The following AIRE variants were observed in gnomAD, a reference collection of about 807,000 sequenced individuals.
AIRE encodes autoimmune regulator, also known as autoimmune polyendocrinopathy candidiasis ectodermal dystrophy protein.
AIRE carries 52 observed loss-of-function variants against 62.1 expected under a neutral mutation model. That is an observed-to-expected ratio of 0.84 (90% confidence interval 0.67 to 1.06). The LOEUF is 1.06. Among genes scored for constraint, AIRE ranks in the 50% least tolerant of loss-of-function variants. AIRE has a pLI of 0.00. For missense variants in AIRE, 774 were observed against 755.8 expected (o/e 1.02, Z -0.28); for synonymous variants, 342 against 321.6 (o/e 1.06, Z -0.68).
Position 44,288,384 on chromosome 21 carries a change from C to T in AIRE, c.578C>T (p.Ala193Val). ...TMSASVQRAV[A>V]MSSGDVPGAR... ...TCAGCTTCAGTCCAGAGAGCTGTGG[C>T]CATGTCCTCCGGGGACGTCCCGGGA... Residue 193 changes from alanine to valine, a missense_variant, in exon 5 of 14, where the codon GCC (alanine) becomes GTC (valine). Coordinates refer to ENST00000291582, the MANE Select transcript of AIRE (RefSeq NM_000383.4). 6.2e-7 allele frequency: 1 copy of T among 1,612,630 alleles called. No individual in the cohort carries two copies.
rs2040496604 is a variant in AIRE at position 44,287,609 on chromosome 21, G to A, written c.538+18G>A. On this transcript the variant is annotated intron_variant, in intron 4 of 13. Coordinates refer to ENST00000291582, the MANE Select transcript of AIRE (RefSeq NM_000383.4). The surrounding 1 kb of genome is among the most constrained non-coding windows in gnomAD (Gnocchi z 4.3). Reference sequence around the variant, plus strand: ...CGGGAACGGTGAGCGGGGCCCAGTGGGAGCGCCTCCCTTCTCCCTGGCCAG... The same window carrying A: ...CGGGAACGGTGAGCGGGGCCCAGTGAGAGCGCCTCCCTTCTCCCTGGCCAG... The A allele has an allele frequency of 6.5e-7, 1 of 1,549,408 alleles. No homozygotes were observed. Among genetic ancestry groups the A allele is most frequent in the Non-Finnish European group, 8.7e-7 (1 of 1,146,374 alleles).
chr21:44,295,161 G>A (rs989787130), intron 12 of AIRE, among the ~76,000 whole-genome samples: 3 of 152,182 alleles, frequency 2.0e-5, no homozygotes, highest in East Asian at 1.9e-4. Flanking sequence ...CCTGGCCACC[G>A]AGGAGCCTTT....
chr21:44,291,084 G>A lies in AIRE; in HGVS notation c.880-11G>A, dbSNP rs761114243. On this transcript the variant is annotated splice_polypyrimidine_tract_variant and intron_variant, in intron 7 of 13. Coordinates refer to ENST00000291582, the MANE Select transcript of AIRE (RefSeq NM_000383.4). ...AGCCCAGTCTGCATGGGCGTCTCTTGCCTGTGCCAGAAGAATGAGGACGAG... is the reference window on the plus strand; with the variant it reads ...AGCCCAGTCTGCATGGGCGTCTCTTACCTGTGCCAGAAGAATGAGGACGAG... The A allele has an allele frequency of 3.1e-6, 5 of 1,613,152 alleles. No individual in the cohort carries two copies. The South Asian group carries it at 5.5e-5, about 18-fold the overall frequency.
chr21:44,295,982 C>G (rs1156329673), intron 12 of AIRE, among the ~76,000 whole-genome samples: 1 of 152,194 alleles, frequency 6.6e-6, no homozygotes, highest in Non-Finnish European at 1.5e-5. Context: ...GACCTTCTCC[C>G]ACTCTGGTCG....
In AIRE at chr21:44,294,439, C is replaced by A; in HGVS notation, c.1439C>A (p.Thr480Asn). ...TGCAGATCCTGCTCAGGAGACGTGA[C>A]CCCAGCCCCTGTGGAGGGGGTGCTG... ...LRCRSCSGDV[T>N]PAPVEGVLAP... The change falls in exon 12 of 14, where the codon ACC becomes AAC. Residue 480 changes from threonine (T) to asparagine (N), a missense_variant. Coordinates refer to ENST00000291582, the MANE Select transcript of AIRE (RefSeq NM_000383.4). 6.3e-7 allele frequency: 1 copy of A among 1,577,092 alleles called. No individual in the cohort carries two copies. The highest frequency in any genetic ancestry group is 8.6e-7 in the Non-Finnish European group (1 of 1,169,224).
In AIRE at chr21:44,286,776, G is replaced by A; in HGVS notation, c.307+45G>A. Reference sequence around the variant, plus strand: ...GCCATGCTGGGGGCCTGGGGCAGCTGCTGTCACCTGCTCAGCCCAGCTGGA... The same window carrying A: ...GCCATGCTGGGGGCCTGGGGCAGCTACTGTCACCTGCTCAGCCCAGCTGGA... On this transcript the variant is annotated intron_variant, in intron 2 of 13. Coordinates refer to ENST00000291582, the MANE Select transcript of AIRE (RefSeq NM_000383.4). The surrounding 1 kb of genome is among the most constrained non-coding windows in gnomAD (Gnocchi z 6.0). The A allele has an allele frequency of 6.2e-7, 1 of 1,604,024 alleles. No homozygotes were observed. The highest frequency in any genetic ancestry group is 8.5e-7 in the Non-Finnish European group (1 of 1,172,946).
intron 10 of AIRE, 139 bp downstream of exon 10, chr21:44,293,314 GA>G: frequency 2.8e-6 from 2 of 711,136 alleles, no homozygotes; most frequent in East Asian, 3.0e-5. Context: ...GCTGTGGGGG[GA>G]GCGTGGGGGG....
intron 9 of AIRE, among the ~76,000 whole-genome samples, 189 bp downstream of exon 9, chr21:44,292,590 T>C (rs1420742347): frequency 6.6e-6 from 1 of 152,104 alleles, no homozygotes; most frequent in African/African-American, 2.4e-5. Context: ...GGAGTCCCCA[T>C]CATGGTTCCT....
intron 13 of AIRE, 126 bp downstream of exon 13, chr21:44,296,571 C>A: frequency 1.1e-6 from 1 of 925,672 alleles, no homozygotes; most frequent in Non-Finnish European, 1.7e-6. Flanking sequence ...GAAACTCAGG[C>A]TGTCCCTGCT....
rs189784196 is a variant in AIRE, at chr21:44,292,154, C to T, written c.996-148C>T. On this transcript the variant is annotated intron_variant, in intron 8 of 13. Transcript: ENST00000291582. The stretch of plus-strand genomic sequence containing the variant: ...ATGTCCCCCTGCTGGGCTCTCCCTT[C>T]CTGTGTCTCTGCCCATCTCTCTGCT... The T allele has an allele frequency of 4.1e-5, 30 of 738,022 alleles. No homozygotes were observed. In the East Asian group the frequency reaches 4.3e-4, roughly 11 times the overall value. 45.7% of individuals were successfully genotyped at this position (738,022 alleles called of 1,614,324 possible).
intron 9 of AIRE, among the ~76,000 whole-genome samples, chr21:44,292,668 C>T (rs566298442): frequency 6.6e-6 from 1 of 152,298 alleles, no homozygotes; most frequent in East Asian, 1.9e-4. Flanking sequence ...TTGATAACGG[C>T]CCCGGAAGAT....
At position 44,286,261 on chromosome 21, in the gene AIRE, C is replaced by T. The variant is rs1312440414; in HGVS notation, c.132+123C>T. 8 of 1,171,974 alleles carry T rather than the reference C, an allele frequency of 6.8e-6. No homozygotes were observed. In the South Asian group the frequency reaches 6.9e-5, roughly 10 times the overall value. 72.6% of individuals were successfully genotyped at this position (1,171,974 alleles called of 1,614,324 possible). A position where few individuals can be genotyped will look rare whatever the true frequency, so the allele number is the denominator to read the frequency against. ...AGCCCCTCCAGCCTTCCCCAACTCC[C>T]TCCCCACAAGGAGCCAGGGGCGTCC... On this transcript the variant is annotated intron_variant, in intron 1 of 13. Transcript: ENST00000291582. The surrounding 1 kb of genome is among the most constrained non-coding windows in gnomAD (Gnocchi z 6.0).
At position 44,291,179 on chromosome 21, in the gene AIRE, TGCCTGTCCCCTCC is replaced by T. The variant is rs386833675; in HGVS notation, c.967_979del (p.Leu323SerfsTer51). 1,659 of 1,606,780 alleles carry T rather than the reference TGCCTGTCCCCTCC, an allele frequency of 1.0e-3. 3 individuals are homozygous for T. Among genetic ancestry groups the T allele is most frequent in the Non-Finnish European group, 1.3e-3 (1,537 of 1,179,736 alleles). ...CTGCCCTCGGGCCTTCCACCTGGCC[TGCCTGTCCCCTCC>T]GCTCCGGGAGATCCCCAGGTGAGCC... On this transcript the variant is annotated frameshift_variant, in exon 8 of 14. Transcript: ENST00000291582. LOFTEE classifies it high-confidence loss of function.
In AIRE at chr21:44,287,158, G is replaced by A. The variant is rs1012724825; in HGVS notation, c.463+25G>A. ...GGTACCCTCCCTGCAGGGGAAGCCA[G>A]CCAGGGTCTCCAGTCTTCCCGGGCT... is the stretch of plus-strand genomic sequence containing the variant. On this transcript the variant is annotated intron_variant, in intron 3 of 13. Coordinates refer to ENST00000291582, the MANE Select transcript of AIRE (RefSeq NM_000383.4). This position sits in a 1 kb window ranked among gnomAD's most constrained non-coding sequence, Gnocchi z 4.3. The A allele has an allele frequency of 1.2e-6, 2 of 1,610,714 alleles. No homozygotes were observed. The highest frequency in any genetic ancestry group is 1.3e-5 in the African/African-American group (1 of 74,870).
Position 44,287,209 on chromosome 21 carries a change from C to G in AIRE, c.463+76C>G. 5 of 1,565,722 alleles carry G rather than the reference C, an allele frequency of 3.2e-6. No individual in the cohort carries two copies. Among genetic ancestry groups the G allele is most frequent in the Non-Finnish European group, 8.7e-7 (1 of 1,152,396 alleles). Reference sequence around the variant, plus strand: ...TCCCCGGGAGCCCACGCCCCCTCCCCACCCGGGCTCCCACCCACTGGGTGT... The same window carrying G: ...TCCCCGGGAGCCCACGCCCCCTCCCGACCCGGGCTCCCACCCACTGGGTGT... On this transcript the variant is annotated intron_variant, in intron 3 of 13. Coordinates refer to ENST00000291582, the MANE Select transcript of AIRE (RefSeq NM_000383.4). This position sits in a 1 kb window ranked among gnomAD's most constrained non-coding sequence, Gnocchi z 4.3.
At position 44,297,701 on chromosome 21, in the gene AIRE, C is replaced by G; in HGVS notation, c.1612C>G (p.Arg538Gly). Reference protein sequence around the residue: ...ILQWAIQSMARPAAPFPS With the variant: ...ILQWAIQSMAGPAAPFPS ...GCAGTGGGCCATCCAGAGCATGGCC[C>G]GTCCGGCGGCCCCCTTCCCCTCCTG... Residue 538 changes from arginine to glycine, a missense_variant, in exon 14 of 14, where the codon CGT becomes GGT. Arg to Gly is a moderately radical substitution (Grantham distance 125). Around this residue, in one of 3 missense-constraint regions of AIRE, gnomAD observed 354 missense variants for 296.1 expected, o/e 1.20. Transcript: ENST00000291582. This position sits in a 1 kb window ranked among gnomAD's most constrained non-coding sequence, Gnocchi z 4.8. 6.2e-7 allele frequency: 1 copy of G among 1,612,518 alleles called. No individual in the cohort carries two copies. The highest frequency in any genetic ancestry group is 1.1e-5 in the South Asian group (1 of 91,088).
In AIRE at chr21:44,292,411, C is replaced by T. The variant is rs372932833; in HGVS notation, c.1095+10C>T. ...ACCCGTGGAGACCCCGGTATGGCCA[C>T]GCCCCCTCCTAGCCGGGCCACCCCT... is the stretch of plus-strand genomic sequence containing the variant. On this transcript the variant is annotated intron_variant, in intron 9 of 13. Transcript: ENST00000291582. 129 of 1,540,764 alleles carry T rather than the reference C, an allele frequency of 8.4e-5. No homozygotes were observed. Among genetic ancestry groups the T allele is most frequent in the Middle Eastern group, 2.0e-4 (1 of 5,018 alleles).
At chr21:44,293,746 T>TC (rs1255766184) in intron 10 of AIRE, 43 bp from the exon 11 acceptor site, 3 of 1,594,508 alleles carry the variant, frequency 1.9e-6, no homozygotes, top group Non-Finnish European at 2.5e-6. Flanking sequence ...CAGCTACATT[T>TC]CCCCCGGCCC....
chr21:44,286,042 G>T lies in AIRE; in HGVS notation c.36G>T (p.Arg12Ser). 1 of 1,538,448 alleles carries T rather than the reference G, an allele frequency of 6.5e-7. No homozygotes were observed. The change falls in exon 1 of 14, where the codon AGG (arginine) becomes AGT (serine). Residue 12 changes from arginine (R) to serine (S), a missense_variant. Transcript: ENST00000291582. The surrounding 1 kb of genome is among the most constrained non-coding windows in gnomAD (Gnocchi z 6.0). The stretch of plus-strand genomic sequence containing the variant: ...ACGCGGCGCTACGCCGGCTTCTGAG[G>T]CTGCACCGCACGGAGATCGCGGTGG... Reference protein sequence around the residue: ...ATDAALRRLLRLHRTEIAVAV... With the variant: ...ATDAALRRLLSLHRTEIAVAV...
Sources: gnomAD v4.1 joint callset for allele counts (sites outside exome capture counted in the v4.1 genomes callset) on GRCh38, gnomAD v4.1.1 for gene constraint, gnomAD v4.1.1 regional missense constraint, Gnocchi (gnomAD v3.1) non-coding constraint, MANE v1.5 for transcripts, NCBI Gene and HGNC (gene_info 2026-07-23, HGNC 2026-07-21) for gene names.